Variants in RUBCN observed in about 807,000 individuals in gnomAD.
The protein encoded by RUBCN is run domain Beclin-1-interacting and cysteine-rich domain-containing protein.
In RUBCN, 74 loss-of-function variants were observed where a neutral mutation model predicts 113.2. That is an observed-to-expected ratio of 0.65 (90% confidence interval 0.54 to 0.79). The LOEUF is 0.79. RUBCN is among the 30% of genes least tolerant of loss of function. The probability of loss-of-function intolerance (pLI) is 0.00; values close to 1 mark genes in which losing one functional copy is unlikely to be tolerated. For missense variants in RUBCN, 1,109 were observed against 1,251.7 expected, an observed-to-expected ratio of 0.89 and a Z score of 1.72; for synonymous variants, 480 against 490.0, an observed-to-expected ratio of 0.98 and a Z score of 0.27.
chr3:197,676,428 C>T lies in RUBCN; in HGVS notation c.2646+457G>A, dbSNP rs1435006098. ...TCCTGGATTCAAGCAATTCTCCTGC[C>T]TCAGCCTCCCGAGTAGCTGGGATTA... is the stretch of plus-strand genomic sequence containing the variant. On this transcript the variant is annotated intron_variant, in intron 18 of 19. Transcript: ENST00000296343. 5.7e-6 allele frequency: 4 copies of T among 705,832 alleles called. No individual in the cohort carries two copies. The East Asian group carries it at 3.0e-4, about 53-fold the overall frequency. The allele number at this position is 705,832 out of a possible 1,614,324, so 43.7% of individuals were successfully genotyped here.
At position 197,736,803 on chromosome 3, in the gene RUBCN, G is replaced by A; in HGVS notation, c.-84C>T. 2.1e-6 allele frequency: 3 copies of A among 1,461,444 alleles called. No homozygotes were observed. Among genetic ancestry groups the A allele is most frequent in the African/African-American group, 3.0e-5 (2 of 67,400 alleles). 90.5% of individuals were successfully genotyped at this position (1,461,444 alleles called of 1,614,324 possible). A position where few individuals can be genotyped will look rare whatever the true frequency, so the allele number is the denominator to read the frequency against. ...AGGGCTCCCGGGGCCCCCTGGGGCC[G>A]GAGGAGGCACCTGCGGCCGGTGGGC... On this transcript the variant is annotated 5_prime_UTR_variant, in exon 1 of 20. Coordinates refer to ENST00000296343, the MANE Select transcript of RUBCN (RefSeq NM_014687.4).
At position 197,681,030 on chromosome 3, in the gene RUBCN, A is replaced by C; in HGVS notation, c.2430+99T>G. The C allele has an allele frequency of 1.9e-6, 1 of 517,106 alleles. No individual in the cohort carries two copies. 32.0% of individuals were successfully genotyped at this position (517,106 alleles called of 1,614,324 possible). ...GGGGAGGGGATGGGGGGAGGGGACA[A>C]GAGGAGGGGATGGGGGGAGGGGACG... is the stretch of plus-strand genomic sequence containing the variant. On this transcript the variant is annotated intron_variant, in intron 16 of 19. Coordinates refer to ENST00000296343, the MANE Select transcript of RUBCN (RefSeq NM_014687.4). This position sits in a 1 kb window ranked among gnomAD's most constrained non-coding sequence, Gnocchi z 5.5.
chr3:197,735,899 T>G (rs1239466653), intron 1 of RUBCN, among the ~76,000 whole-genome samples: 1 of 152,144 alleles, frequency 6.6e-6, no homozygotes, highest in Non-Finnish European at 1.5e-5. Flanking sequence ...CCAAAGTAGT[T>G]TTTATATTTT....
intron 11 of RUBCN, among the ~76,000 whole-genome samples, chr3:197,686,406 G>T (rs891549544): frequency 6.6e-6 from 1 of 152,242 alleles, no homozygotes; most frequent in African/African-American, 2.4e-5. Context: ...AGAGTGGGGA[G>T]GGGCCACCCA....
At chr3:197,742,326 C>T (rs1426409412) in intron 1 of RUBCN, among the ~76,000 whole-genome samples, 3 of 152,034 alleles carry the variant, frequency 2.0e-5, no homozygotes, top group Non-Finnish European at 4.4e-5. Context: ...AACCCCATCT[C>T]TACTAAAAAT....
intron 7 of RUBCN, 197 bp downstream of exon 7, chr3:197,700,416 A>G (rs1723510912): frequency 4.9e-6 from 3 of 614,630 alleles, no homozygotes; most frequent in African/African-American, 1.8e-5. Flanking sequence ...AGCAATGTAT[A>G]AAGAAACAAA....
At chr3:197,697,186 G>C (rs541562796) in intron 7 of RUBCN, 137 bp from the exon 8 acceptor site, 1 of 671,976 alleles carries the variant, frequency 1.5e-6, no homozygotes, top group Non-Finnish European at 2.8e-6. Context: ...CACACCAACG[G>C]AACAGCCCAA....
intron 6 of RUBCN, among the ~76,000 whole-genome samples, 188 bp from the exon 7 acceptor site, chr3:197,701,334 G>A (rs533303031): frequency 6.6e-6 from 1 of 152,278 alleles, no homozygotes; most frequent in Non-Finnish European, 1.5e-5. Flanking sequence ...TTGCTTATTA[G>A]TATGCATTCC....
At chr3:197,676,194 G>A in intron 18 of RUBCN, 1 of 990,304 alleles carries the variant, frequency 1.0e-6, no homozygotes, top group African/African-American at 1.7e-5. Flanking sequence ...CTTCATCTTA[G>A]AGCCAAGAAA....
At chr3:197,711,443 A>G (rs1724953452) in intron 2 of RUBCN, among the ~76,000 whole-genome samples, 1 of 152,270 alleles carries the variant, frequency 6.6e-6, no homozygotes, top group Non-Finnish European at 1.5e-5. Flanking sequence ...GAAAAAGGCA[A>G]GATACAGAAT....
chr3:197,739,034 G>A (rs1248975291), upstream of RUBCN, among the ~76,000 whole-genome samples: 4 of 151,428 alleles, frequency 2.6e-5, no homozygotes, highest in African/African-American at 9.7e-5. Context: ...TGGCGCGATC[G>A]GGTTCAAGCG....
Position 197,684,206 on chromosome 3 carries a change from T to C in RUBCN, c.1798A>G (p.Arg600Gly), listed in dbSNP as rs1560411809. The C allele has an allele frequency of 1.2e-6, 2 of 1,613,716 alleles. No individual in the cohort carries two copies. The highest frequency in any genetic ancestry group is 1.7e-5 in the Admixed American group (1 of 60,018). The change falls in exon 12 of 20, where the codon AGA becomes GGA. Residue 600 changes from arginine (R) to glycine (G), a missense_variant. Coordinates refer to ENST00000296343, the MANE Select transcript of RUBCN (RefSeq NM_014687.4). ...TTGCTGCTTGAGGCTGTGTTCCTTCTGATGTCAGCATCTACATGGAAACCA... is the reference window on the plus strand; with the variant it reads ...TTGCTGCTTGAGGCTGTGTTCCTTCCGATGTCAGCATCTACATGGAAACCA... ...DEFEIQDADI[R>G]RNTASSSKSF...
intron 1 of RUBCN, among the ~76,000 whole-genome samples, chr3:197,724,422 A>G (rs1395831859): frequency 1.3e-5 from 2 of 152,358 alleles, no homozygotes; most frequent in East Asian, 3.9e-4. Context: ...TAAATAGTAA[A>G]TAAGTGAAAG....
chr3:197,714,671 T>G (rs1004505614), intron 2 of RUBCN, among the ~76,000 whole-genome samples: 30 of 152,160 alleles, frequency 2.0e-4, no homozygotes, highest in African/African-American at 7.2e-4. Context: ...TTAGCTCTTT[T>G]CCAATGTGAT....
Position 197,694,248 on chromosome 3 carries a change from G to C in RUBCN, c.1684+127C>G, listed in dbSNP as rs775436200. 3.5e-6 allele frequency: 3 copies of C among 868,582 alleles called. No homozygotes were observed. In the Admixed American group the frequency reaches 5.1e-5, roughly 15 times the overall value. 53.8% of individuals were successfully genotyped at this position (868,582 alleles called of 1,614,324 possible). On this transcript the variant is annotated intron_variant, in intron 10 of 19. Transcript: ENST00000296343. The stretch of plus-strand genomic sequence containing the variant: ...AGCGACTCTAGGATGAGTATTCCTA[G>C]CATGATAGAAAAAAAGTAGGACTAC...
intron 16 of RUBCN, among the ~76,000 whole-genome samples, chr3:197,680,678 G>A (rs929522966): frequency 1.3e-5 from 2 of 152,224 alleles, no homozygotes; most frequent in African/African-American, 2.4e-5. Context: ...CTGTCTGCCC[G>A]AGTCACATAA....
intron 1 of RUBCN, among the ~76,000 whole-genome samples, chr3:197,719,370 C>T (rs13089649): frequency 6.7e-6 from 1 of 149,896 alleles, no homozygotes; most frequent in Admixed American, 6.7e-5. Flanking sequence ...CCCAGCTACT[C>T]GGGAGACTGA....
chr3:197,728,032 G>A (rs920678981), intron 1 of RUBCN, among the ~76,000 whole-genome samples: 1 of 152,260 alleles, frequency 6.6e-6, no homozygotes, highest in African/African-American at 2.4e-5. Flanking sequence ...TGAAGCAGGA[G>A]GACTGCCTGA....
intron 9 of RUBCN, 146 bp downstream of exon 9, chr3:197,695,720 A>T: frequency 1.3e-6 from 1 of 755,030 alleles, no homozygotes; most frequent in South Asian, 1.5e-5. Context: ...AGTTCCTCAG[A>T]AACAGAACTT....
Sources: allele counts gnomAD v4.1 joint callset (sites outside exome capture counted in the v4.1 genomes callset), GRCh38; gene constraint gnomAD v4.1.1; non-coding constraint Gnocchi (gnomAD v3.1); transcripts MANE v1.5; gene names NCBI Gene and HGNC (gene_info 2026-07-23, HGNC 2026-07-21).